FBN1: variants seen among roughly 807,000 people sequenced by gnomAD.
FBN1 encodes fibrillin 1.
In FBN1, 29 loss-of-function variants were observed where a neutral mutation model predicts 365.1. The observed-to-expected ratio is 0.08, with a 90% CI of 0.06 to 0.11. The LOEUF is 0.11. Among genes scored for constraint, FBN1 ranks in the 10% least tolerant of loss-of-function variants. The pLI, the probability that FBN1 is intolerant of heterozygous loss-of-function variation, is 1.00. For synonymous variants in FBN1, 1,210 were observed against 1,270.5 expected (o/e 0.95, Z 1.01); for missense variants, 2,476 against 3,703.2 (o/e 0.67, Z 8.60).
In FBN1 at chr15:48,597,428, G is replaced by A. The variant is rs78654272; in HGVS notation, c.443-1050C>T. 5.0e-3 allele frequency among the ~76,000 whole-genome samples: 760 copies of A among 152,250 alleles called. 4 individuals carry two copies. The highest frequency in any genetic ancestry group is 0.018 in the African/African-American group (730 of 41,550). On this transcript the variant is annotated intron_variant, in intron 5 of 65. Transcript: ENST00000316623. ...CTCTTTGATGGGCACTTTTTGCCCTGGGTTCTCCATCAACCTGGCTATGGC... is the reference window on the plus strand; with the variant it reads ...CTCTTTGATGGGCACTTTTTGCCCTAGGTTCTCCATCAACCTGGCTATGGC...
chr15:48,592,678 T>TA (rs1288248751), intron 6 of FBN1, among the ~76,000 whole-genome samples: 1 of 152,052 alleles, frequency 6.6e-6, no homozygotes, highest in Non-Finnish European at 1.5e-5. Flanking sequence ...GAAGAAAAAT[T>TA]AAAGAAACTT....
chr15:48,555,863 T>C (rs2044175922), intron 6 of FBN1, among the ~76,000 whole-genome samples: 1 of 152,206 alleles, frequency 6.6e-6, no homozygotes, highest in African/African-American at 2.4e-5. Context: ...CAGAACTGAA[T>C]GTACCCAACT....
At chr15:48,413,875 C>T (rs1161961026) in intron 64 of FBN1, among the ~76,000 whole-genome samples, 1 of 152,232 alleles carries the variant, frequency 6.6e-6, no homozygotes, top group East Asian at 1.9e-4. Context: ...TAGGTTCCTA[C>T]TGTTTCCCCC....
At chr15:48,625,024 G>A (rs1168401167) in intron 2 of FBN1, among the ~76,000 whole-genome samples, 3 of 152,204 alleles carry the variant, frequency 2.0e-5, no homozygotes, top group Admixed American at 6.5e-5. Flanking sequence ...AGGAAAATCA[G>A]CCAATGGGGT....
chr15:48,440,842 A>T (rs1392931514), intron 50 of FBN1, among the ~76,000 whole-genome samples: 1 of 151,830 alleles, frequency 6.6e-6, no homozygotes, highest in Non-Finnish European at 1.5e-5. Context: ...TTGAACCTTA[A>T]ATGATATCCA....
intron 6 of FBN1, among the ~76,000 whole-genome samples, chr15:48,553,196 G>A (rs116844951): frequency 0.011 from 1,672 of 152,104 alleles, 17 homozygotes; most frequent in Middle Eastern, 0.021. Flanking sequence ...GAGATATTTT[G>A]AATGTGATAT....
intron 4 of FBN1, among the ~76,000 whole-genome samples, chr15:48,609,679 C>T (rs2044642311): frequency 6.6e-6 from 1 of 152,218 alleles, no homozygotes; most frequent in African/African-American, 2.4e-5. Context: ...TAACCCCCAG[C>T]ACTTCCAGCT....
At chr15:48,481,568 T>C (rs1597558804) in intron 32 of FBN1, 87 bp downstream of exon 32, 1 of 1,337,434 alleles carries the variant, frequency 7.5e-7, no homozygotes, top group South Asian at 1.3e-5. Flanking sequence ...TTAAAATGTA[T>C]GAGTTTTAAA....
chr15:48,464,281 T>C (rs1597546156), intron 40 of FBN1, among the ~76,000 whole-genome samples: 1 of 152,026 alleles, frequency 6.6e-6, no homozygotes, highest in Non-Finnish European at 1.5e-5. Context: ...GAGGCCAAGG[T>C]GGGTGGATCA....
At chr15:48,455,224 T>C (rs923597307) in intron 44 of FBN1, among the ~76,000 whole-genome samples, 12 of 152,196 alleles carry the variant, frequency 7.9e-5, no homozygotes, top group Admixed American at 7.9e-4. Context: ...CACTTAGTTA[T>C]CTCAATATCC....
At chr15:48,438,956 A>G (rs2043092818) in intron 50 of FBN1, among the ~76,000 whole-genome samples, 1 of 152,138 alleles carries the variant, frequency 6.6e-6, no homozygotes, top group South Asian at 2.1e-4. Flanking sequence ...TCATACCCAT[A>G]TTGTACTATT....
At chr15:48,577,486 G>A (rs1293847971) in intron 6 of FBN1, among the ~76,000 whole-genome samples, 1 of 152,010 alleles carries the variant, frequency 6.6e-6, no homozygotes, top group African/African-American at 2.4e-5. Flanking sequence ...TCCAAGGGGG[G>A]GCATTCAAAC....
intron 6 of FBN1, among the ~76,000 whole-genome samples, chr15:48,574,081 AC>A (rs2044326750): frequency 6.6e-6 from 1 of 152,156 alleles, no homozygotes; most frequent in Admixed American, 6.5e-5. Context: ...TGGCCTAATT[AC>A]CTTGTTAATT....
intron 44 of FBN1, 60 bp from the exon 45 acceptor site, chr15:48,452,744 G>A (rs2043211067): frequency 6.3e-7 from 1 of 1,587,098 alleles, no homozygotes; most frequent in Admixed American, 1.7e-5. Context: ...AGTCAACAAA[G>A]CCTCTCACAT....
chr15:48,614,727 A>T (rs1293716548), intron 2 of FBN1, among the ~76,000 whole-genome samples: 2 of 152,194 alleles, frequency 1.3e-5, no homozygotes, highest in Non-Finnish European at 2.9e-5. Context: ...TGAGCTCAGT[A>T]TATTTCTGTG....
intron 17 of FBN1, among the ~76,000 whole-genome samples, chr15:48,503,296 C>CAA (rs754101177): frequency 1.7e-4 from 13 of 74,454 alleles, no homozygotes; most frequent in East Asian, 3.9e-4. Flanking sequence ...GACTCCATCT[C>CAA]AAAAAAAAAA....
At chr15:48,546,905 T>C (rs1308967750) in intron 6 of FBN1, among the ~76,000 whole-genome samples, 1 of 152,142 alleles carries the variant, frequency 6.6e-6, no homozygotes, top group African/African-American at 2.4e-5. Context: ...CTTCCATCAC[T>C]GAATAAATGG....
In FBN1 at chr15:48,542,259, C is replaced by T. The variant is rs576200594; in HGVS notation, c.539-4451G>A. Among the ~76,000 whole-genome samples, 20 of 152,324 alleles carry T rather than the reference C, an allele frequency of 1.3e-4. No homozygotes were observed. In the South Asian group the frequency reaches 2.3e-3, roughly 17 times the overall value. On this transcript the variant is annotated intron_variant, in intron 6 of 65. Coordinates refer to ENST00000316623, the MANE Select transcript of FBN1 (RefSeq NM_000138.5). Reference sequence around the variant, plus strand: ...AATATTCTGTGGTACAATGAATTCTCGTCCCTCCTGCCCAGTCACTAAACC... The same window carrying T: ...AATATTCTGTGGTACAATGAATTCTTGTCCCTCCTGCCCAGTCACTAAACC...
intron 8 of FBN1, chr15:48,529,031 T>C (rs1461241029): frequency 6.6e-6 from 1 of 152,210 alleles, no homozygotes; most frequent in Non-Finnish European, 1.5e-5. Flanking sequence ...TCTGTGTTCA[T>C]CTCCTTTTAA....
Sources: allele counts gnomAD v4.1 joint callset (sites outside exome capture counted in the v4.1 genomes callset), GRCh38; gene constraint gnomAD v4.1.1; transcripts MANE v1.5; gene names NCBI Gene and HGNC (gene_info 2026-07-23, HGNC 2026-07-21).